The following ANKRD30B variants were observed in gnomAD, a reference collection of about 807,000 sequenced individuals.
ANKRD30B encodes ankyrin repeat domain 30B.
Under a neutral mutation model 202.2 loss-of-function variants are expected in ANKRD30B, and 144 were observed. The observed-to-expected ratio is 0.71, with a 90% CI of 0.62 to 0.82. The LOEUF is 0.82. ANKRD30B is among the 40% of genes least tolerant of loss of function. The probability of loss-of-function intolerance (pLI) is 0.00; values close to 1 mark genes in which losing one functional copy is unlikely to be tolerated. For synonymous variants in ANKRD30B, 508 were observed against 561.3 expected, an observed-to-expected ratio of 0.91 and a Z score of 1.34; for missense variants, 1,487 against 1,669.1, an observed-to-expected ratio of 0.89 and a Z score of 1.90.
chr18:14,938,237 A>G, the ANKRD30B span, among the ~76,000 whole-genome samples: 41 of 152,336 alleles, frequency 2.7e-4, no homozygotes, highest in African/African-American at 9.6e-4. Context: ...CTCTTGCCTC[A>G]GTCACTCATT....
At chr18:14,808,963 G>A (rs1969735241) in intron 26 of ANKRD30B, among the ~76,000 whole-genome samples, 1 of 150,820 alleles carries the variant, frequency 6.6e-6, no homozygotes, top group South Asian at 2.1e-4. Flanking sequence ...GTGGATATCT[G>A]TCCAGCAGCC....
chr18:14,809,868 G>A, intron 26 of ANKRD30B, 118 bp from the exon 27 acceptor site: 3 of 1,019,534 alleles, frequency 2.9e-6, no homozygotes, highest in South Asian at 1.3e-5. Context: ...CCAAAACCTA[G>A]TGTAATCCCT....
chr18:14,796,593 T>A (rs913120611), intron 18 of ANKRD30B, among the ~76,000 whole-genome samples, 178 bp downstream of exon 18: 4 of 152,152 alleles, frequency 2.6e-5, no homozygotes, highest in African/African-American at 9.7e-5. Context: ...GCATAAGATT[T>A]AGAGATTAAC....
At chr18:14,776,299 A>G (rs774970654) in intron 9 of ANKRD30B, among the ~76,000 whole-genome samples, 2 of 152,232 alleles carry the variant, frequency 1.3e-5, no homozygotes. Flanking sequence ...AGAGAATAAC[A>G]AATAAAAAAC....
At chr18:14,929,230 T>C in the ANKRD30B span, among the ~76,000 whole-genome samples, 4 of 152,216 alleles carry the variant, frequency 2.6e-5, no homozygotes, top group Admixed American at 2.0e-4. Flanking sequence ...TTGCCTGAAA[T>C]GCCAAACTTC....
At chr18:14,912,914 G>C in the ANKRD30B span, among the ~76,000 whole-genome samples, 8 of 152,232 alleles carry the variant, frequency 5.3e-5, no homozygotes, top group Non-Finnish European at 1.0e-4. Flanking sequence ...ATATTGAGCT[G>C]AGTGCTGGGA....
the ANKRD30B span, among the ~76,000 whole-genome samples, chr18:14,863,945 A>G: frequency 6.6e-6 from 1 of 151,556 alleles, no homozygotes; most frequent in Non-Finnish European, 1.5e-5. Context: ...TGCAAGGACT[A>G]TTTAACATAT....
chr18:14,791,264 A>G, intron 15 of ANKRD30B, 137 bp from the exon 16 acceptor site: 1 of 646,558 alleles, frequency 1.5e-6, no homozygotes, highest in Non-Finnish European at 2.7e-6. Flanking sequence ...GATTTTCTAT[A>G]CGTGTGTACT....
At chr18:14,798,536 T>G (rs923766514) in intron 20 of ANKRD30B, among the ~76,000 whole-genome samples, 7 of 152,194 alleles carry the variant, frequency 4.6e-5, no homozygotes, top group African/African-American at 1.4e-4. Flanking sequence ...ACACAACCGG[T>G]TAGACCAGAA....
chr18:14,804,891 T>C (rs926776416), intron 24 of ANKRD30B, among the ~76,000 whole-genome samples: 3 of 150,650 alleles, frequency 2.0e-5, no homozygotes, highest in Non-Finnish European at 4.4e-5. Context: ...CTAGATTATT[T>C]TGGATTTTGT....
chr18:14,751,599 C>G (rs186707218), intron 1 of ANKRD30B, among the ~76,000 whole-genome samples: 1 of 152,096 alleles, frequency 6.6e-6, no homozygotes, highest in Non-Finnish European at 1.5e-5. Flanking sequence ...TCAAAAATAC[C>G]TAATTTACAT....
the ANKRD30B span, among the ~76,000 whole-genome samples, chr18:14,929,205 G>A: frequency 2.0e-5 from 3 of 152,134 alleles, no homozygotes; most frequent in Non-Finnish European, 4.4e-5. Flanking sequence ...ATATGCCTAC[G>A]ACCTTTTCTT....
chr18:14,852,257 A>G lies in ANKRD30B; in HGVS notation c.4313A>G (p.Tyr1438Cys), dbSNP rs746490821. ...AGGTGGCTTCGACAGCAATTAGTTT[A>G]TGCACATAAGAAAGTTAACAAAAGC... ...KNRWLRQQLV[Y>C]AHKKVNKSKV... The change falls in exon 42 of 44, where the codon TAT becomes TGT. Residue 1438 changes from tyrosine to cysteine, a missense_variant. Tyr to Cys is a radical substitution (Grantham distance 194). Around this residue, in one of 6 missense-constraint regions of ANKRD30B, gnomAD observed 182 missense variants for 216.0 expected, o/e 0.84. Transcript: ENST00000690538. The G allele has an allele frequency of 1.3e-6, 2 of 1,554,962 alleles. No homozygotes were observed. Among genetic ancestry groups the G allele is most frequent in the East Asian group, 2.4e-5 (1 of 41,038 alleles).
At position 14,765,194 on chromosome 18, in the gene ANKRD30B, C is replaced by T. The variant is rs190060677; in HGVS notation, c.1225+1104C>T. On this transcript the variant is annotated intron_variant, in intron 7 of 43. Transcript: ENST00000690538. ...TATGTTAGACCGCTGGGTGTGGTGG[C>T]TCACGCCTATAATCCCAGCAGTTTG... Among the ~76,000 whole-genome samples the T allele has an allele frequency of 3.5e-4, 53 of 152,202 alleles. 1 individual carries two copies. The East Asian group carries it at 9.9e-3, about 28-fold the overall frequency.
At chr18:14,768,947 T>A (rs1286032248) in intron 7 of ANKRD30B, among the ~76,000 whole-genome samples, 1 of 152,184 alleles carries the variant, frequency 6.6e-6, no homozygotes, top group East Asian at 1.9e-4. Flanking sequence ...ATTTGAGAAC[T>A]ATAAAGGAGG....
At chr18:14,755,715 C>T (rs1914235483) in intron 4 of ANKRD30B, among the ~76,000 whole-genome samples, 1 of 152,190 alleles carries the variant, frequency 6.6e-6, no homozygotes, top group Non-Finnish European at 1.5e-5. Context: ...CATCCATGTT[C>T]CTACAAAGGA....
the ANKRD30B span, among the ~76,000 whole-genome samples, chr18:14,880,422 G>A: frequency 2.5e-4 from 38 of 152,132 alleles, no homozygotes; most frequent in Middle Eastern, 3.4e-3. Context: ...GAAGAATGAC[G>A]GTGGTATTCA....
intron 34 of ANKRD30B, among the ~76,000 whole-genome samples, chr18:14,833,327 C>T (rs1483442916): frequency 6.6e-6 from 1 of 152,040 alleles, no homozygotes; most frequent in Non-Finnish European, 1.5e-5. Context: ...GGCTCACTTG[C>T]AAGCCCCACC....
chr18:14,933,580 C>T, the ANKRD30B span, among the ~76,000 whole-genome samples: 19 of 152,220 alleles, frequency 1.2e-4, no homozygotes, highest in East Asian at 3.5e-3. Context: ...AGGATTCTTC[C>T]CTAGAGATGC....
Sources: gnomAD v4.1 joint callset for allele counts (sites outside exome capture counted in the v4.1 genomes callset) on GRCh38, gnomAD v4.1.1 for gene constraint, gnomAD v4.1.1 regional missense constraint, MANE v1.5 for transcripts, NCBI Gene and HGNC (gene_info 2026-07-23, HGNC 2026-07-21) for gene names.